Variants in USP33 observed in about 807,000 individuals in gnomAD.
USP33 encodes ubiquitin carboxyl-terminal hydrolase 33.
USP33 carries 46 observed loss-of-function variants against 124.2 expected under a neutral mutation model. The ratio of observed to expected loss-of-function variants is 0.37; its 90% CI spans 0.29 to 0.47. The LOEUF (loss-of-function observed/expected upper bound fraction) is 0.47. USP33 is among the 20% of genes least tolerant of loss of function. USP33 has a pLI of 0.99. For synonymous variants in USP33, 350 were observed against 352.3 expected (o/e 0.99, Z 0.07); for missense variants, 851 against 1,070.6 (o/e 0.79, Z 2.86).
At chr1:77,730,497 T>A in intron 8 of USP33, 121 bp downstream of exon 8, 1 of 639,044 alleles carries the variant, frequency 1.6e-6, no homozygotes, top group Non-Finnish European at 2.4e-6. Context: ...GAAACAAAGC[T>A]GTCTCTAATC....
chr1:77,722,082 A>T lies in USP33; in HGVS notation c.1504T>A (p.Cys502Ser). 6.2e-7 allele frequency: 1 copy of T among 1,614,148 alleles called. No individual in the cohort carries two copies. The highest frequency in any genetic ancestry group is 8.5e-7 in the Non-Finnish European group (1 of 1,179,972). The part of the protein sequence containing the change: ...HPTSIVKAGS[C>S]GEAYAPQGWI... ...CCTTGTGGAGCATATGCTTCGCCAC[A>T]TGATCCTGCTTTGACTATAGAAGTT... is the stretch of plus-strand genomic sequence containing the variant. The change falls in exon 13 of 24, where the codon TGT (cysteine) becomes AGT (serine). Residue 502 changes from cysteine to serine, a missense_variant. By Grantham distance (112) the Cys-to-Ser change is moderately radical (BLOSUM62 -1). Coordinates refer to ENST00000370794, the MANE Select transcript of USP33 (RefSeq NM_201624.3).
chr1:77,746,033 G>A (rs1026362613), intron 1 of USP33, among the ~76,000 whole-genome samples: 2 of 152,136 alleles, frequency 1.3e-5, no homozygotes, highest in Non-Finnish European at 2.9e-5. Flanking sequence ...ACTAAGATCA[G>A]AGCAGAACTG....
At chr1:77,719,561 T>C (rs1285106322) in intron 15 of USP33, among the ~76,000 whole-genome samples, 1 of 151,124 alleles carries the variant, frequency 6.6e-6, no homozygotes, top group Non-Finnish European at 1.5e-5. Flanking sequence ...AGTCAACATA[T>C]CAAACTCTTG....
Position 77,713,184 on chromosome 1 carries a change from G to A in USP33, c.2297+16C>T. On this transcript the variant is annotated intron_variant, in intron 20 of 23. Coordinates refer to ENST00000370794, the MANE Select transcript of USP33 (RefSeq NM_201624.3). ...CGACTTTCACAACACTGTATGGTCT[G>A]ATTTAAAAAACAAACCTGCTATATA... 1.9e-6 allele frequency: 3 copies of A among 1,595,596 alleles called. No homozygotes were observed. The highest frequency in any genetic ancestry group is 2.3e-5 in the South Asian group (2 of 87,554).
chr1:77,746,232 G>T (rs1191839724), intron 1 of USP33, among the ~76,000 whole-genome samples: 1 of 152,028 alleles, frequency 6.6e-6, no homozygotes, highest in South Asian at 2.1e-4. Context: ...TACAGACTAC[G>T]ATCAGAGAAT....
chr1:77,707,789 C>T (rs1411475277), intron 21 of USP33, among the ~76,000 whole-genome samples: 1 of 152,130 alleles, frequency 6.6e-6, no homozygotes, highest in South Asian at 2.1e-4. Flanking sequence ...TTCCTTGCTC[C>T]ACGTACATAT....
intron 19 of USP33, 84 bp downstream of exon 19, chr1:77,714,530 G>T (rs1570757495): frequency 1.5e-6 from 2 of 1,377,124 alleles, no homozygotes; most frequent in Non-Finnish European, 2.0e-6. Context: ...AAATAAGTGG[G>T]AGAGGAAAAT....
intron 1 of USP33, among the ~76,000 whole-genome samples, chr1:77,752,788 C>T (rs938638693): frequency 1.3e-5 from 2 of 151,926 alleles, no homozygotes; most frequent in Non-Finnish European, 2.9e-5. Context: ...TTAAAATAAG[C>T]TAAAATTGGC....
At chr1:77,757,300 T>G (rs1680888911) in intron 1 of USP33, among the ~76,000 whole-genome samples, 1 of 152,226 alleles carries the variant, frequency 6.6e-6, no homozygotes, top group Non-Finnish European at 1.5e-5. Context: ...GTTTCATTCT[T>G]TTTGTTTTCC....
chr1:77,725,738 T>C lies in USP33; in HGVS notation c.1160A>G (p.Asn387Ser), dbSNP rs1428135700. 5.6e-6 allele frequency: 9 copies of C among 1,613,310 alleles called. No homozygotes were observed. The highest frequency in any genetic ancestry group is 5.9e-6 in the Non-Finnish European group (7 of 1,179,776). The change falls in exon 11 of 24, where the codon AAT (asparagine) becomes AGT (serine). Residue 387 changes from asparagine (N) to serine (S), a missense_variant. By Grantham distance (46) the Asn-to-Ser change is conservative. This residue lies in a region of USP33 where 207 missense variants were observed against 200.9 expected (regional missense o/e 1.03). Transcript: ENST00000370794. ...AAGGATCTGTGGTGTAGACAGGTCA[T>C]TCGAATGGACATCAGTGATATATTC... ...ASEYITDVHS[N>S]DLSTPQILPS...
intron 16 of USP33, among the ~76,000 whole-genome samples, chr1:77,718,388 T>G (rs1391655566): frequency 4.6e-5 from 7 of 152,256 alleles, no homozygotes; most frequent in African/African-American, 1.7e-4. Context: ...CCTGCAAGTA[T>G]GATTAAACTT....
intron 1 of USP33, among the ~76,000 whole-genome samples, chr1:77,747,299 C>T (rs1183810476): frequency 7.2e-6 from 1 of 138,732 alleles, no homozygotes; most frequent in African/African-American, 2.7e-5. Flanking sequence ...TTTCATTACT[C>T]AGGGGAGTGC....
In USP33 at chr1:77,709,882, T is replaced by TACACACACACACACAC. The variant is rs35770178; in HGVS notation, c.2406+1849_2406+1864dup. The stretch of plus-strand genomic sequence containing the variant: ...TCAAGTTTCTATACATGCATACACA[T>TACACACACACACACAC]ACACACACACACACACACACACACA... On this transcript the variant is annotated intron_variant, in intron 21 of 23. Transcript: ENST00000370794. Among the ~76,000 whole-genome samples, 272 of 144,886 alleles carry TACACACACACACACAC rather than the reference T, an allele frequency of 1.9e-3. 1 individual carries two copies. Among genetic ancestry groups the TACACACACACACACAC allele is most frequent in the African/African-American group, 6.6e-3 (263 of 39,606 alleles).
intron 5 of USP33, among the ~76,000 whole-genome samples, chr1:77,738,581 C>T (rs924775690): frequency 1.3e-5 from 2 of 151,808 alleles, no homozygotes; most frequent in Non-Finnish European, 2.9e-5. Flanking sequence ...CCCAGGTTCA[C>T]GCCATTCTCC....
chr1:77,732,121 A>C (rs944898630), intron 7 of USP33, among the ~76,000 whole-genome samples: 1 of 152,000 alleles, frequency 6.6e-6, no homozygotes, highest in African/African-American at 2.4e-5. Context: ...AAAAAAAAAA[A>C]AAAAACCAGA....
chr1:77,738,629 C>T (rs1341750018), intron 5 of USP33, among the ~76,000 whole-genome samples: 1 of 151,892 alleles, frequency 6.6e-6, no homozygotes, highest in African/African-American at 2.4e-5. Context: ...TACAGGTGCC[C>T]GCCACCACAC....
chr1:77,727,114 G>A (rs899907561), intron 10 of USP33, among the ~76,000 whole-genome samples: 5 of 152,184 alleles, frequency 3.3e-5, no homozygotes, highest in Non-Finnish European at 7.4e-5. Context: ...CTCACTCTAG[G>A]ACTTTCTGAA....
rs373469704 is a variant in USP33 at position 77,718,549 on chromosome 1, T to A, written c.1737+47A>T. 9.9e-6 allele frequency: 14 copies of A among 1,415,996 alleles called. No homozygotes were observed. The South Asian group carries it at 1.7e-4, about 17-fold the overall frequency. 87.7% of individuals were successfully genotyped at this position (1,415,996 alleles called of 1,614,324 possible). A position where few individuals can be genotyped will look rare whatever the true frequency, so the allele number is the denominator to read the frequency against. ...ACTACATTTTGTTACATTAATACTT[T>A]ATGTTCCTACCACACAATATAAGTT... On this transcript the variant is annotated intron_variant, in intron 16 of 23. Transcript: ENST00000370794.
intron 22 of USP33, among the ~76,000 whole-genome samples, chr1:77,698,945 A>G (rs1337551567): frequency 6.6e-6 from 1 of 152,232 alleles, no homozygotes; most frequent in Non-Finnish European, 1.5e-5. Context: ...GAACAATAAA[A>G]GCATTATAAA....
Sources: allele counts gnomAD v4.1 joint callset (sites outside exome capture counted in the v4.1 genomes callset), GRCh38; gene constraint gnomAD v4.1.1; regional missense constraint gnomAD v4.1.1; transcripts MANE v1.5; gene names NCBI Gene and HGNC (gene_info 2026-07-23, HGNC 2026-07-21).